HHAT: variants seen among roughly 807,000 people sequenced by gnomAD.
The protein encoded by HHAT is protein-cysteine N-palmitoyltransferase HHAT.
Under a neutral mutation model 70.8 loss-of-function variants are expected in HHAT, and 47 were observed. The ratio of observed to expected loss-of-function variants is 0.66; its 90% CI spans 0.53 to 0.85. The LOEUF (loss-of-function observed/expected upper bound fraction) is 0.85. HHAT is among the 40% of genes least tolerant of loss of function. The pLI, the probability that HHAT is intolerant of heterozygous loss-of-function variation, is 0.00. For missense variants in HHAT, 609 were observed against 604.8 expected, an observed-to-expected ratio of 1.01 and a Z score of -0.07; for synonymous variants, 228 against 247.6, an observed-to-expected ratio of 0.92 and a Z score of 0.74.
chr1:210,633,063 A>G (rs1406578610), intron 11 of HHAT, among the ~76,000 whole-genome samples: 2 of 152,144 alleles, frequency 1.3e-5, no homozygotes, highest in African/African-American at 4.8e-5. Flanking sequence ...ACAAACAGAC[A>G]CTAAATTTCT....
At chr1:210,383,062 G>A (rs1430137370) in intron 3 of HHAT, among the ~76,000 whole-genome samples, 5 of 152,178 alleles carry the variant, frequency 3.3e-5, no homozygotes, top group African/African-American at 1.2e-4. Flanking sequence ...GCTTCAGGCC[G>A]GGCACGGTGG....
Position 210,350,968 on chromosome 1 carries a change from A to G in HHAT, c.91+1902A>G, listed in dbSNP as rs143908255. On this transcript the variant is annotated intron_variant, in intron 2 of 11. Transcript: ENST00000261458. ...GAGAGCTTTTGTTATGAATGACTGT[A>G]TTAGTTAGGGTTCTCCAGGGAAATA... 2.7e-3 allele frequency among the ~76,000 whole-genome samples: 418 copies of G among 152,270 alleles called. 6 individuals are homozygous for G. The highest frequency in any genetic ancestry group is 9.7e-3 in the African/African-American group (402 of 41,554).
rs573730315 is a variant in HHAT, at chr1:210,463,633, T to G, written c.857-872T>G. 4.1e-4 allele frequency among the ~76,000 whole-genome samples: 62 copies of G among 152,338 alleles called. 1 individual carries two copies. Among genetic ancestry groups the G allele is most frequent in the African/African-American group, 1.3e-3 (52 of 41,576 alleles). Reference sequence around the variant, plus strand: ...GGGTACAAGTTTTTGTGTGAACATATGTTTTGTGTGAACATTTCATTTCTC... The same window carrying G: ...GGGTACAAGTTTTTGTGTGAACATAGGTTTTGTGTGAACATTTCATTTCTC... On this transcript the variant is annotated intron_variant, in intron 7 of 11. Coordinates refer to ENST00000261458, the MANE Select transcript of HHAT (RefSeq NM_018194.6).
chr1:210,573,795 G>A (rs1656944532), intron 9 of HHAT, among the ~76,000 whole-genome samples: 1 of 152,156 alleles, frequency 6.6e-6, no homozygotes, highest in Non-Finnish European at 1.5e-5. Flanking sequence ...CACTTTAGAG[G>A]AGAACACAGT....
chr1:210,498,995 C>G (rs1008083692), intron 8 of HHAT, among the ~76,000 whole-genome samples: 6 of 152,126 alleles, frequency 3.9e-5, no homozygotes, highest in African/African-American at 1.4e-4. Context: ...GTCTCAATCT[C>G]TTGACCTCAT....
intron 3 of HHAT, among the ~76,000 whole-genome samples, chr1:210,383,352 A>G (rs2090799317): frequency 6.6e-6 from 1 of 152,208 alleles, no homozygotes; most frequent in Admixed American, 6.5e-5. Flanking sequence ...AAGAGCTTCA[A>G]ATCACTGACG....
chr1:210,373,196 C>G (rs1457232766), intron 3 of HHAT, among the ~76,000 whole-genome samples: 1 of 151,936 alleles, frequency 6.6e-6, no homozygotes, highest in South Asian at 2.1e-4. Context: ...TAACATGATT[C>G]AGACTTATAT....
At chr1:210,634,975 A>T (rs1671595752) in intron 11 of HHAT, among the ~76,000 whole-genome samples, 1 of 152,218 alleles carries the variant, frequency 6.6e-6, no homozygotes, top group Non-Finnish European at 1.5e-5. Context: ...TGCTAGAAGG[A>T]GAGGGTTTTG....
At chr1:210,499,922 A>C (rs573781488) in intron 8 of HHAT, among the ~76,000 whole-genome samples, 1 of 152,340 alleles carries the variant, frequency 6.6e-6, no homozygotes, top group Non-Finnish European at 1.5e-5. Flanking sequence ...AAAGGACACA[A>C]ATTAGAATGA....
At chr1:210,449,381 G>T (rs916327620) in intron 7 of HHAT, among the ~76,000 whole-genome samples, 2 of 151,202 alleles carry the variant, frequency 1.3e-5, no homozygotes, top group Non-Finnish European at 2.9e-5. Flanking sequence ...GTCGTGCTTC[G>T]TGGCTGACGA....
chr1:210,454,308 C>T (rs1391218306), intron 7 of HHAT, among the ~76,000 whole-genome samples: 2 of 152,184 alleles, frequency 1.3e-5, no homozygotes, highest in African/African-American at 2.4e-5. Context: ...AATCCCAGCA[C>T]TTCGGGAGGC....
intron 9 of HHAT, among the ~76,000 whole-genome samples, chr1:210,525,442 C>T (rs1002645298): frequency 6.6e-6 from 1 of 152,148 alleles, no homozygotes; most frequent in Non-Finnish European, 1.5e-5. Context: ...CTTATGTTCA[C>T]AGAATGTTAG....
At chr1:210,426,982 T>C (rs2148307499) in intron 7 of HHAT, among the ~76,000 whole-genome samples, 1 of 152,238 alleles carries the variant, frequency 6.6e-6, no homozygotes, top group East Asian at 1.9e-4. Flanking sequence ...CTTTTTTTGG[T>C]TGGTAAGTTA....
chr1:210,417,696 C>T (rs988720566), intron 6 of HHAT, among the ~76,000 whole-genome samples: 2 of 152,184 alleles, frequency 1.3e-5, no homozygotes, highest in African/African-American at 4.8e-5. Flanking sequence ...CCATCTTTTT[C>T]TCTTTCTCTT....
intron 8 of HHAT, among the ~76,000 whole-genome samples, chr1:210,470,147 A>G (rs1169485410): frequency 6.6e-6 from 1 of 152,090 alleles, no homozygotes; most frequent in African/African-American, 2.4e-5. Context: ...GCCCAGACCC[A>G]CCATTTGTTT....
chr1:210,634,339 C>A (rs1056519497), intron 11 of HHAT, among the ~76,000 whole-genome samples: 3 of 152,148 alleles, frequency 2.0e-5, no homozygotes, highest in African/African-American at 7.2e-5. Flanking sequence ...TTCCGTTTTT[C>A]CCCATTGTTT....
chr1:210,676,047 T>C lies in HHAT; in HGVS notation c.*1668T>C, dbSNP rs1419824201. ...GTTTACTTGGAAAGAAAGGGCTTGC[T>C]AAGAAAAAAGGGAGTAAAAATGATG... On this transcript the variant is annotated 3_prime_UTR_variant, in exon 12 of 12. Coordinates refer to ENST00000261458, the MANE Select transcript of HHAT (RefSeq NM_018194.6). 6.6e-6 allele frequency: 1 copy of C among 152,044 alleles called. No individual in the cohort carries two copies. The highest frequency in any genetic ancestry group is 1.5e-5 in the Non-Finnish European group (1 of 68,004). 9.4% of individuals were successfully genotyped at this position (152,044 alleles called of 1,614,324 possible).
At chr1:210,629,874 T>G (rs1670538845) in intron 11 of HHAT, among the ~76,000 whole-genome samples, 2 of 149,772 alleles carry the variant, frequency 1.3e-5, no homozygotes, top group Non-Finnish European at 3.0e-5. Flanking sequence ...TGAGACGGAG[T>G]CTCTGTCACC....
chr1:210,417,216 G>A (rs560871350), intron 6 of HHAT, among the ~76,000 whole-genome samples: 21 of 152,206 alleles, frequency 1.4e-4, no homozygotes, highest in Non-Finnish European at 2.4e-4. Context: ...AAAGCTACCC[G>A]AAGTGACTTA....
Sources: allele counts gnomAD v4.1 joint callset (sites outside exome capture counted in the v4.1 genomes callset), GRCh38; gene constraint gnomAD v4.1.1; transcripts MANE v1.5; gene names NCBI Gene and HGNC (gene_info 2026-07-23, HGNC 2026-07-21).